Variants in ABCA4 observed in about 807,000 individuals in gnomAD.
ABCA4 encodes retinal-specific phospholipid-transporting ATPase ABCA4.
In ABCA4, 196 loss-of-function variants were observed where a neutral mutation model predicts 263.7. That is an observed-to-expected ratio of 0.74 (90% CI 0.66 to 0.84). The LOEUF (loss-of-function observed/expected upper bound fraction) is 0.84, where lower values mean the gene tolerates loss of function less well. Ranked by LOEUF, ABCA4 falls within the 40% of genes least tolerant of loss-of-function variation. The pLI, the probability that ABCA4 is intolerant of heterozygous loss-of-function variation, is 0.00. For missense variants in ABCA4, 2,792 were observed against 2,855.1 expected, an observed-to-expected ratio of 0.98 and a Z score of 0.50; for synonymous variants, 1,133 against 1,094.2, an observed-to-expected ratio of 1.04 and a Z score of -0.70.
chr1:94,080,577 C>A lies in ABCA4; in HGVS notation c.1000G>T (p.Val334Leu). 6.2e-7 allele frequency: 1 copy of A among 1,614,140 alleles called. No individual in the cohort carries two copies. The highest frequency in any genetic ancestry group is 8.5e-7 in the Non-Finnish European group (1 of 1,180,034). The part of the protein sequence containing the change: ...CGYPEGGGSR[V>L]LSFNWYEDNN... ...TCTTCATACCAGTTGAAGGAGAGCA[C>A]CCGAGAGCCACCTCCCTCGGGGTAG... Residue 334 changes from valine to leucine, a missense_variant, in exon 8 of 50, where the codon GTG (valine) becomes TTG (leucine). By Grantham distance (32) the Val-to-Leu change is conservative. Transcript: ENST00000370225.
rs755640766 is a variant in ABCA4 at position 94,055,201 on chromosome 1, C to T, written c.2497G>A (p.Glu833Lys). ...TGCATGGACAGCAGGAAGCTGAATT[C>T]GTCCCCTTCCGTGGGACTGTTCCCG... is the stretch of plus-strand genomic sequence containing the variant. ...NIGNSPTEGDEFSFLLSMQMM... is the reference protein window; with the variant it reads ...NIGNSPTEGDKFSFLLSMQMM... The change falls in exon 16 of 50, where the codon GAA becomes AAA. Residue 833 changes from glutamate (E) to lysine (K), a missense_variant. Physicochemically the swap from Glu to Lys is moderately conservative, Grantham distance 56. Transcript: ENST00000370225. The T allele has an allele frequency of 6.8e-6, 11 of 1,614,052 alleles. No individual in the cohort carries two copies. Among genetic ancestry groups the T allele is most frequent in the Non-Finnish European group, 9.3e-6 (11 of 1,180,036 alleles).
chr1:94,080,652 G>C lies in ABCA4; in HGVS notation c.925C>G (p.Pro309Ala), dbSNP rs542603262. ...VTRPLMQNGG[P>A]ETFTKLMGIL... Reference sequence around the variant, plus strand: ...CCCATCAGCTTTGTAAAGGTCTCTGGACCACCATTCTGCATGAGGGGCCTG... The same window carrying C: ...CCCATCAGCTTTGTAAAGGTCTCTGCACCACCATTCTGCATGAGGGGCCTG... Residue 309 changes from proline (P) to alanine (A), a missense_variant, in exon 8 of 50, where the codon CCA (proline) becomes GCA (alanine). Physicochemically the swap from Pro to Ala is conservative, Grantham distance 27. Transcript: ENST00000370225. The C allele has an allele frequency of 6.2e-7, 1 of 1,614,038 alleles. No homozygotes were observed. Among genetic ancestry groups the C allele is most frequent in the African/African-American group, 1.3e-5 (1 of 74,970 alleles).
chr1:93,993,263 G>A, intron 49 of ABCA4, 21 bp from the exon 50 acceptor site: 1 of 1,613,834 alleles, frequency 6.2e-7, no homozygotes, highest in Non-Finnish European at 8.5e-7. Flanking sequence ...AGATCACATG[G>A]ACTCGCGTCA....
In ABCA4 at chr1:94,037,033, G is replaced by A. The variant is rs1235106894; in HGVS notation, c.3813+112C>T. ...AAAATAAAGATAGTTGCTATGCTTG[G>A]GTGGGGAACGATGGCTTTTTGCTTT... is the stretch of plus-strand genomic sequence containing the variant. On this transcript the variant is annotated intron_variant, in intron 25 of 49. Transcript: ENST00000370225. The A allele has an allele frequency of 8.7e-6, 10 of 1,153,744 alleles. No individual in the cohort carries two copies. The African/African-American group carries it at 1.4e-4, about 16-fold the overall frequency. 71.5% of individuals were successfully genotyped at this position (1,153,744 alleles called of 1,614,324 possible).
chr1:94,036,501 C>T (rs1367785198), intron 26 of ABCA4, among the ~76,000 whole-genome samples: 5 of 151,746 alleles, frequency 3.3e-5, no homozygotes, highest in South Asian at 2.1e-4. Context: ...CTCAGCCTCC[C>T]GAGTAGCTGG....
At chr1:94,043,602 T>C in intron 20 of ABCA4, 127 bp from the exon 21 acceptor site, 3 of 1,296,686 alleles carry the variant, frequency 2.3e-6, no homozygotes, top group Non-Finnish European at 1.1e-6. Context: ...TGGTGGTGTT[T>C]ATGATACAAT....
rs202109945 is a variant in ABCA4, at chr1:94,037,295, C to G, written c.3663G>C (p.Leu1221=). The change falls in exon 25 of 50, where the codon CTG becomes CTC. Residue 1221 remains leucine, a synonymous_variant. Transcript: ENST00000370225. ...TAAGTTCTTGACCAATGCACTCCACCAGCTTTGCCTCTGGAACATGGTGGA... is the reference window on the plus strand; with the variant it reads ...TAAGTTCTTGACCAATGCACTCCACGAGCTTTGCCTCTGGAACATGGTGGA... ...VVLHHVPEAK[L]VECIGQELIF... 5 of 1,614,100 alleles carry G rather than the reference C, an allele frequency of 3.1e-6. No homozygotes were observed. In the South Asian group the frequency reaches 5.5e-5, roughly 18 times the overall value.
At chr1:94,049,850 A>AC (rs1660786362) in intron 17 of ABCA4, among the ~76,000 whole-genome samples, 2 of 152,124 alleles carry the variant, frequency 1.3e-5, no homozygotes, top group African/African-American at 4.8e-5. Flanking sequence ...ACACACACAC[A>AC]AACAGACACT....
chr1:94,012,673 C>T (rs1047900175), intron 38 of ABCA4, among the ~76,000 whole-genome samples: 1 of 152,240 alleles, frequency 6.6e-6, no homozygotes, highest in Non-Finnish European at 1.5e-5. Flanking sequence ...TGCAGCCTGG[C>T]TCTTCCCGCT....
At position 94,040,045 on chromosome 1, in the gene ABCA4, T is replaced by A; in HGVS notation, c.3605A>T (p.Asp1202Val). 1.9e-6 allele frequency: 3 copies of A among 1,602,078 alleles called. No homozygotes were observed. The highest frequency in any genetic ancestry group is 2.6e-6 in the Non-Finnish European group (3 of 1,173,320). ...AGTATGGCCCGTCCAGTCCTTACCA[T>A]CCAGGACTTGTTCTGGAGTTAGGTC... Reference protein sequence around the residue: ...VDDLTPEQVLDGDVNELMDVV... With the variant: ...VDDLTPEQVLVGDVNELMDVV... Residue 1202 changes from aspartate (D) to valine (V), a missense_variant and splice_region_variant, in exon 24 of 50, where the codon GAT (aspartate) becomes GTT (valine). Coordinates refer to ENST00000370225, the MANE Select transcript of ABCA4 (RefSeq NM_000350.3).
chr1:94,021,904 G>A lies in ABCA4; in HGVS notation c.4715C>T (p.Thr1572Met), dbSNP rs185093512. 7.7e-5 allele frequency: 124 copies of A among 1,614,130 alleles called. 1 individual carries two copies. In the East Asian group the frequency reaches 2.1e-3, roughly 28 times the overall value. ...TAAAAACCCAACAAGTGCTTCCCCC[G>A]TGATGGGGACGACTGGGAGCTTTCC... ...IGGKLPVVPITGEALVGFLSD... is the reference protein window; with the variant it reads ...IGGKLPVVPIMGEALVGFLSD... The change falls in exon 33 of 50, where the codon ACG (threonine) becomes ATG (methionine). Residue 1572 changes from threonine to methionine, a missense_variant. Coordinates refer to ENST00000370225, the MANE Select transcript of ABCA4 (RefSeq NM_000350.3).
intron 36 of ABCA4, chr1:94,018,568 A>G (rs1263100180): frequency 4.4e-6 from 2 of 455,834 alleles, no homozygotes. Context: ...GAATTCCAAT[A>G]TTCACCATCA....
chr1:94,032,106 A>AT (rs4147892), intron 26 of ABCA4, 63 bp from the exon 27 acceptor site: 4,143 of 1,427,974 alleles, frequency 2.9e-3, no homozygotes, highest in Non-Finnish European at 3.4e-3. Flanking sequence ...CTCTAATGCC[A>AT]TTTTTTTTTT....
intron 36 of ABCA4, among the ~76,000 whole-genome samples, chr1:94,017,299 A>G (rs1557766762): frequency 6.6e-6 from 1 of 152,212 alleles, no homozygotes; most frequent in Admixed American, 6.5e-5. Flanking sequence ...AATTGAAATC[A>G]GAAGCCACCT....
Position 94,103,813 on chromosome 1 carries a change from G to A in ABCA4, c.443-671C>T, listed in dbSNP as rs552234921. Among the ~76,000 whole-genome samples the A allele has an allele frequency of 6.6e-5, 10 of 152,328 alleles. No homozygotes were observed. The South Asian group carries it at 1.7e-3, about 25-fold the overall frequency. On this transcript the variant is annotated intron_variant, in intron 4 of 49. Coordinates refer to ENST00000370225, the MANE Select transcript of ABCA4 (RefSeq NM_000350.3). ...GCCATTAAGGGCAGGAAAAGCTCCAGGTAGAAAGAGGAGAGCCAGGCACAT... is the reference window on the plus strand; with the variant it reads ...GCCATTAAGGGCAGGAAAAGCTCCAAGTAGAAAGAGGAGAGCCAGGCACAT...
intron 4 of ABCA4, among the ~76,000 whole-genome samples, chr1:94,104,234 G>A (rs1006695625): frequency 1.3e-5 from 2 of 152,198 alleles, no homozygotes; most frequent in Non-Finnish European, 2.9e-5. Flanking sequence ...TTATGGGCCT[G>A]GATGTCTACG....
At chr1:94,061,761 A>G (rs1017022766) in intron 13 of ABCA4, among the ~76,000 whole-genome samples, 1 of 152,130 alleles carries the variant, frequency 6.6e-6, no homozygotes, top group African/African-American at 2.4e-5. Context: ...CCGAACCCAA[A>G]CTAACTGCAG....
chr1:94,088,899 G>C (rs552092827), intron 6 of ABCA4, among the ~76,000 whole-genome samples: 3 of 152,222 alleles, frequency 2.0e-5, no homozygotes, highest in African/African-American at 7.2e-5. Context: ...GGGAGGCTGC[G>C]CATAAGTAAA....
intron 45 of ABCA4, chr1:94,001,426 G>C: frequency 2.0e-6 from 1 of 505,776 alleles, no homozygotes; most frequent in Non-Finnish European, 3.6e-6. Flanking sequence ...AGGTCACTCA[G>C]GTCACTTCCT....
Sources: gnomAD v4.1 joint callset for allele counts (sites outside exome capture counted in the v4.1 genomes callset) on GRCh38, gnomAD v4.1.1 for gene constraint, MANE v1.5 for transcripts, NCBI Gene and HGNC (gene_info 2026-07-23, HGNC 2026-07-21) for gene names.